ZNF676: variants seen among roughly 807,000 people sequenced by gnomAD.
ZNF676 encodes the protein zinc finger protein 676.
Under a neutral mutation model 6.0 loss-of-function variants are expected in ZNF676, and 4 were observed. The observed-to-expected ratio is 0.67, with a 90% CI of 0.33 to 1.53. The LOEUF (loss-of-function observed/expected upper bound fraction) is 1.53, where lower values mean the gene tolerates loss of function less well. Ranked by LOEUF, ZNF676 falls within the 40% of genes most tolerant of loss-of-function variation. The probability of loss-of-function intolerance (pLI) is 0.06; values close to 1 mark genes in which losing one functional copy is unlikely to be tolerated. For missense variants in ZNF676, 644 were observed against 679.7 expected (o/e 0.95, Z 0.58); for synonymous variants, 198 against 223.1 (o/e 0.89, Z 1.00).
chr19:22,224,203 T>G, the ZNF676 span, among the ~76,000 whole-genome samples: 3 of 148,922 alleles, frequency 2.0e-5, no homozygotes, highest in Non-Finnish European at 3.0e-5. Context: ...ATCTGATGAG[T>G]AAACATTTCT....
chr19:22,227,562 G>A, the ZNF676 span, among the ~76,000 whole-genome samples: 62,540 of 151,824 alleles, frequency 0.41, 13,763 homozygotes, highest in African/African-American at 0.57. Flanking sequence ...AAAAATTAAT[G>A]ATTCCAGGAG....
intron 2 of ZNF676, among the ~76,000 whole-genome samples, chr19:22,184,960 C>A (rs1280193609): frequency 6.6e-6 from 1 of 152,046 alleles, no homozygotes; most frequent in Non-Finnish European, 1.5e-5. Context: ...CTTAAACATC[C>A]CTGCTGGACA....
chr19:22,257,233 G>A, the ZNF676 span, among the ~76,000 whole-genome samples: 1 of 152,068 alleles, frequency 6.6e-6, no homozygotes, highest in Non-Finnish European at 1.5e-5. Context: ...CACATGACCT[G>A]GTTGCCAGAC....
the ZNF676 span, among the ~76,000 whole-genome samples, chr19:22,253,395 T>A: frequency 2.1e-5 from 1 of 47,430 alleles, no homozygotes; most frequent in Non-Finnish European, 5.0e-5. Flanking sequence ...TATATATATA[T>A]GATAATGTGT....
chr19:22,227,459 G>A, the ZNF676 span, among the ~76,000 whole-genome samples: 36 of 152,098 alleles, frequency 2.4e-4, no homozygotes, highest in African/African-American at 8.5e-4. Context: ...AACTAGAGAA[G>A]CAAGAGCAAA....
At chr19:22,189,548 C>A (rs528709166) in intron 2 of ZNF676, among the ~76,000 whole-genome samples, 1 of 152,162 alleles carries the variant, frequency 6.6e-6, no homozygotes, top group South Asian at 2.1e-4. Flanking sequence ...AGAGCTTCTA[C>A]ACAGCAAAAG....
chr19:22,231,748 G>A, the ZNF676 span, among the ~76,000 whole-genome samples: 34 of 151,276 alleles, frequency 2.2e-4, no homozygotes, highest in African/African-American at 6.8e-4. Flanking sequence ...GACTACAGGC[G>A]CGTGCCACCA....
chr19:22,230,204 T>C, the ZNF676 span, among the ~76,000 whole-genome samples: 1 of 152,098 alleles, frequency 6.6e-6, no homozygotes, highest in Non-Finnish European at 1.5e-5. Context: ...TGCAGGGACA[T>C]GGATGAAGCT....
chr19:22,188,480 T>C (rs1405331034), intron 2 of ZNF676, among the ~76,000 whole-genome samples: 1 of 152,158 alleles, frequency 6.6e-6, no homozygotes, highest in Non-Finnish European at 1.5e-5. Context: ...TCACCACTCC[T>C]ATTCAACATA....
upstream of ZNF676, among the ~76,000 whole-genome samples, chr19:22,218,592 C>G (rs1292710596): frequency 6.6e-6 from 1 of 151,736 alleles, no homozygotes; most frequent in African/African-American, 2.4e-5. Flanking sequence ...GATCCACCCA[C>G]CTTGACCTCC....
the ZNF676 span, among the ~76,000 whole-genome samples, chr19:22,254,734 T>C: frequency 6.6e-6 from 1 of 152,180 alleles, no homozygotes; most frequent in Non-Finnish European, 1.5e-5. Context: ...CCCAGTGACA[T>C]ATCACAATCT....
At chr19:22,182,027 A>G (rs1385765869) in intron 2 of ZNF676, among the ~76,000 whole-genome samples, 2 of 151,958 alleles carry the variant, frequency 1.3e-5, no homozygotes, top group African/African-American at 4.8e-5. Flanking sequence ...CTCTCATGAC[A>G]TAAAGTGCTG....
the ZNF676 span, among the ~76,000 whole-genome samples, chr19:22,232,541 A>C: frequency 6.6e-6 from 1 of 152,196 alleles, no homozygotes; most frequent in Non-Finnish European, 1.5e-5. Context: ...GAGAACAGAG[A>C]ACTTGAAGAC....
the ZNF676 span, among the ~76,000 whole-genome samples, chr19:22,253,121 C>T: frequency 6.6e-6 from 1 of 152,082 alleles, no homozygotes; most frequent in East Asian, 1.9e-4. Context: ...GGATCTTGGT[C>T]TTAGTGTCAC....
At chr19:22,192,658 GA>G (rs1339783129) in intron 2 of ZNF676, among the ~76,000 whole-genome samples, 1 of 151,970 alleles carries the variant, frequency 6.6e-6, no homozygotes, top group Non-Finnish European at 1.5e-5. Context: ...AGAGATGATG[GA>G]AAAAGAGAAC....
chr19:22,241,700 G>A, the ZNF676 span, among the ~76,000 whole-genome samples: 5 of 151,798 alleles, frequency 3.3e-5, no homozygotes, highest in Non-Finnish European at 7.3e-5. Context: ...ATGAACCCAT[G>A]ATTGTACTCA....
chr19:22,192,813 A>G (rs2023925402), intron 2 of ZNF676, among the ~76,000 whole-genome samples: 1 of 152,208 alleles, frequency 6.6e-6, no homozygotes, highest in Non-Finnish European at 1.5e-5. Context: ...AAAATTACTT[A>G]AGGGAAAGAA....
rs568664594 is a variant in ZNF676 at position 22,192,995 on chromosome 19, T to C, written c.130+21A>G. ...GACTTTGGACTTCTCATTCATGTTGTCTGTATTCACTCTCACCTACCTGGG... is the reference window on the plus strand; with the variant it reads ...GACTTTGGACTTCTCATTCATGTTGCCTGTATTCACTCTCACCTACCTGGG... On this transcript the variant is annotated intron_variant, in intron 2 of 2. Transcript: ENST00000397121. 5.6e-6 allele frequency: 9 copies of C among 1,594,064 alleles called. No homozygotes were observed. The African/African-American group carries it at 1.2e-4, about 22-fold the overall frequency.
chr19:22,230,946 C>T, the ZNF676 span, among the ~76,000 whole-genome samples: 1 of 151,172 alleles, frequency 6.6e-6, no homozygotes, highest in Non-Finnish European at 1.5e-5. Flanking sequence ...GCATGAGCCA[C>T]TGTGCCTGGC....
Sources: gnomAD v4.1 joint callset for allele counts (sites outside exome capture counted in the v4.1 genomes callset) on GRCh38, gnomAD v4.1.1 for gene constraint, MANE v1.5 for transcripts, NCBI Gene and HGNC (gene_info 2026-07-23, HGNC 2026-07-21) for gene names.